The following GRIA2 variants were observed in gnomAD, a reference collection of about 807,000 sequenced individuals.
GRIA2 encodes the protein glutamate ionotropic receptor AMPA type subunit 2.
In GRIA2, 14 loss-of-function variants were observed where a neutral mutation model predicts 97.3. The ratio of observed to expected loss-of-function variants is 0.14; its 90% CI spans 0.10 to 0.23. The LOEUF (loss-of-function observed/expected upper bound fraction) is 0.23. Ranked by LOEUF, GRIA2 falls within the 10% of genes least tolerant of loss-of-function variation. The pLI is 1.00. For missense variants in GRIA2, 558 were observed against 1,069.8 expected (o/e 0.52, Z 6.67); for synonymous variants, 412 against 387.8 (o/e 1.06, Z -0.73).
chr4:157,238,399 G>T (rs1296920021), intron 2 of GRIA2, among the ~76,000 whole-genome samples: 1 of 152,062 alleles, frequency 6.6e-6, no homozygotes, highest in Non-Finnish European at 1.5e-5. Context: ...CTTTCCATGA[G>T]CATTAAAGTG....
intron 2 of GRIA2, among the ~76,000 whole-genome samples, chr4:157,239,985 T>C (rs1218575064): frequency 6.6e-6 from 1 of 152,130 alleles, no homozygotes; most frequent in Non-Finnish European, 1.5e-5. Context: ...TTGGCTTCTC[T>C]TGATCCTCCT....
At chr4:157,255,960 C>T (rs1188322879) in intron 2 of GRIA2, among the ~76,000 whole-genome samples, 1 of 150,874 alleles carries the variant, frequency 6.6e-6, no homozygotes, top group Non-Finnish European at 1.5e-5. Context: ...AATGAGATAT[C>T]ATTCGTACAT....
chr4:157,326,615 A>T (rs1440807212), intron 6 of GRIA2, among the ~76,000 whole-genome samples: 1 of 152,196 alleles, frequency 6.6e-6, no homozygotes, highest in Non-Finnish European at 1.5e-5. Context: ...GACCTGAAGA[A>T]GTAGGAGTTA....
chr4:157,220,725 G>T, upstream of GRIA2: 1 of 401,550 alleles, frequency 2.5e-6, no homozygotes, highest in South Asian at 3.0e-5. Flanking sequence ...CGCGAGAGAG[G>T]GTGAGTGTGT....
chr4:157,345,683 A>G (rs1015699227), intron 12 of GRIA2, among the ~76,000 whole-genome samples: 26 of 152,116 alleles, frequency 1.7e-4, no homozygotes, highest in South Asian at 4.1e-4. Flanking sequence ...ACAAAGCACA[A>G]TTATTAACTT....
At chr4:157,317,836 TGTA>T in intron 5 of GRIA2, 125 bp downstream of exon 5, 1 of 507,218 alleles carries the variant, frequency 2.0e-6, no homozygotes, top group Non-Finnish European at 3.6e-6. Context: ...ATTAGCCAGG[TGTA>T]GTGGTGGGCA....
intron 11 of GRIA2, 137 bp downstream of exon 11, chr4:157,336,884 T>C (rs1305303740): frequency 1.2e-5 from 9 of 728,234 alleles, no homozygotes; most frequent in Non-Finnish European, 2.1e-5. Context: ...AAGGACATCC[T>C]CTTAGCTTCG....
chr4:157,242,188 T>C (rs1410442271), intron 2 of GRIA2, among the ~76,000 whole-genome samples: 1 of 152,120 alleles, frequency 6.6e-6, no homozygotes, highest in East Asian at 1.9e-4. Context: ...ATAACCTTCA[T>C]ATCTAGAATT....
chr4:157,248,661 A>G lies in GRIA2; in HGVS notation c.229+26854A>G, dbSNP rs1331422977. ...CACCTGTATATATATACATACGTAT[A>G]TATTTATGCACGTGTCTATATACAC... On this transcript the variant is annotated intron_variant, in intron 2 of 15. Coordinates refer to ENST00000264426, the MANE Select transcript of GRIA2 (RefSeq NM_001083619.3). 3.8e-5 allele frequency among the ~76,000 whole-genome samples: 5 copies of G among 130,710 alleles called. No individual in the cohort carries two copies. In the Admixed American group the frequency reaches 4.0e-4, roughly 10 times the overall value. 85.8% of individuals were successfully genotyped at this position (130,710 alleles called of 152,430 possible).
At chr4:157,311,631 C>A (rs975863741) in intron 3 of GRIA2, among the ~76,000 whole-genome samples, 2 of 151,850 alleles carry the variant, frequency 1.3e-5, no homozygotes, top group African/African-American at 4.8e-5. Flanking sequence ...TTAGGTGAAT[C>A]CTACATTTTA....
chr4:157,336,352 T>G (rs373708946), intron 10 of GRIA2, 25 bp from the exon 11 acceptor site: 1 of 1,511,672 alleles, frequency 6.6e-7, no homozygotes, highest in African/African-American at 1.4e-5. Context: ...CCAGGTACTA[T>G]TACTTTCCTT....
chr4:157,265,687 C>A (rs890117881), intron 2 of GRIA2, among the ~76,000 whole-genome samples: 4 of 152,094 alleles, frequency 2.6e-5, no homozygotes, highest in Admixed American at 2.6e-4. Flanking sequence ...CTGTAGCCAA[C>A]TTTATTCTGC....
intron 2 of GRIA2, among the ~76,000 whole-genome samples, chr4:157,224,033 AT>A (rs1256174687): frequency 6.6e-6 from 1 of 152,152 alleles, no homozygotes; most frequent in African/African-American, 2.4e-5. Context: ...AAATTCATAT[AT>A]TTGCAGGGTG....
Position 157,327,561 on chromosome 4 carries a change from T to C in GRIA2, c.883-5258T>C, listed in dbSNP as rs1367148903. The stretch of plus-strand genomic sequence containing the variant: ...CACTATCTCAAAAATAATTTATGAA[T>C]ATTTCTATTTTTAGACTGATTTTTA... On this transcript the variant is annotated intron_variant, in intron 6 of 15. Transcript: ENST00000264426. 3.9e-5 allele frequency among the ~76,000 whole-genome samples: 6 copies of C among 152,136 alleles called. No homozygotes were observed. The East Asian group carries it at 1.2e-3, about 29-fold the overall frequency.
intron 2 of GRIA2, among the ~76,000 whole-genome samples, chr4:157,298,228 T>C (rs1189526150): frequency 6.6e-6 from 1 of 152,088 alleles, no homozygotes; most frequent in Non-Finnish European, 1.5e-5. Flanking sequence ...AGAAGTACTG[T>C]TATGGAAACT....
chr4:157,297,362 G>A (rs1292219414), intron 2 of GRIA2, among the ~76,000 whole-genome samples: 1 of 152,082 alleles, frequency 6.6e-6, no homozygotes. Flanking sequence ...AGGAAAATAT[G>A]AGCAAAATCC....
At chr4:157,330,110 C>T (rs1056384429) in intron 6 of GRIA2, among the ~76,000 whole-genome samples, 1 of 151,902 alleles carries the variant, frequency 6.6e-6, no homozygotes, top group African/African-American at 2.4e-5. Flanking sequence ...ATATTTTTCC[C>T]TACCTTCCTT....
intron 3 of GRIA2, among the ~76,000 whole-genome samples, chr4:157,305,522 G>A (rs1409055858): frequency 1.3e-5 from 2 of 151,998 alleles, no homozygotes; most frequent in Non-Finnish European, 2.9e-5. Flanking sequence ...TGGCTTTAAG[G>A]TCTTATAATA....
chr4:157,326,365 G>T (rs528677790), intron 6 of GRIA2, among the ~76,000 whole-genome samples: 4 of 152,150 alleles, frequency 2.6e-5, no homozygotes, highest in African/African-American at 9.6e-5. Flanking sequence ...TATCATTTAT[G>T]TATTCATTTC....
Sources: allele counts gnomAD v4.1 joint callset (sites outside exome capture counted in the v4.1 genomes callset), GRCh38; gene constraint gnomAD v4.1.1; transcripts MANE v1.5; gene names NCBI Gene and HGNC (gene_info 2026-07-23, HGNC 2026-07-21).